Variants in KIF13A observed in about 807,000 individuals in gnomAD.
KIF13A encodes kinesin-like protein KIF13A.
A neutral mutation model predicts 212.2 loss-of-function variants in KIF13A; 79 were observed. The ratio of observed to expected loss-of-function variants is 0.37; its 90% confidence interval spans 0.31 to 0.45. The LOEUF is 0.45. KIF13A is among the 20% of genes least tolerant of loss of function. KIF13A has a pLI of 1.00. For synonymous variants in KIF13A, 789 were observed against 808.6 expected, an observed-to-expected ratio of 0.98 and a Z score of 0.41; for missense variants, 1,901 against 2,209.0, an observed-to-expected ratio of 0.86 and a Z score of 2.79.
At chr6:17,820,115 A>G (rs137905755) in intron 16 of KIF13A, among the ~76,000 whole-genome samples, 1 of 152,264 alleles carries the variant, frequency 6.6e-6, no homozygotes, top group African/African-American at 2.4e-5. Flanking sequence ...TCTCACCCCA[A>G]GGTTCCATGC....
chr6:17,833,758 C>T (rs541745841), intron 12 of KIF13A, among the ~76,000 whole-genome samples: 16 of 148,050 alleles, frequency 1.1e-4, no homozygotes, highest in African/African-American at 7.4e-5. Context: ...CGGGAGGCTA[C>T]GGCATGCGAA....
chr6:17,975,257 G>A (rs149461369), intron 2 of KIF13A, among the ~76,000 whole-genome samples: 209 of 152,328 alleles, frequency 1.4e-3, no homozygotes, highest in Admixed American at 3.2e-3. Context: ...GAAGGCTCAG[G>A]CAGGAGAATT....
At chr6:17,795,532 T>C (rs1581949817) in intron 23 of KIF13A, among the ~76,000 whole-genome samples, 1 of 150,858 alleles carries the variant, frequency 6.6e-6, no homozygotes, top group Non-Finnish European at 1.5e-5. Context: ...GAGGTGGAGG[T>C]TGCAGTGAGC....
rs9396816 is a variant in KIF13A at position 17,919,359 on chromosome 6, A to G, written c.147-21179T>C. ...TACTTAATGCTGCTAAAATAAGACC[A>G]TTGAGAGAATTTCAAAAGTTATATT... On this transcript the variant is annotated intron_variant, in intron 2 of 38. Transcript: ENST00000259711. The surrounding 1 kb of genome is among the most constrained non-coding windows in gnomAD (Gnocchi z 4.1). 0.8 allele frequency among the ~76,000 whole-genome samples: 121,839 copies of G among 152,204 alleles called. 49,232 individuals are homozygous for G. Among genetic ancestry groups the G allele is most frequent in the African/African-American group, 0.9 (37,239 of 41,536 alleles).
At chr6:17,969,358 T>G (rs11962180) in intron 2 of KIF13A, among the ~76,000 whole-genome samples, 5,136 of 152,322 alleles carry the variant, frequency 0.034, 297 homozygotes, top group African/African-American at 0.12. Context: ...CTTTGCCATC[T>G]TAGACATAGT....
intron 2 of KIF13A, among the ~76,000 whole-genome samples, chr6:17,956,735 A>C (rs1431048314): frequency 6.6e-6 from 1 of 151,848 alleles, no homozygotes; most frequent in Non-Finnish European, 1.5e-5. Context: ...CTGTGGGTCA[A>C]AAAAAAATCC....
chr6:17,873,389 TA>T lies in KIF13A; in HGVS notation c.207del (p.Thr70GlnfsTer43). On this transcript the variant is annotated frameshift_variant, in exon 4 of 39. Coordinates refer to ENST00000259711, the MANE Select transcript of KIF13A (RefSeq NM_022113.6). LOFTEE classifies it high-confidence loss of function. ...YCFWSMDESNTTKYAGQEVVF... is the reference protein window; with the variant it reads ...YCFWSMDESNXTKYAGQEVVF... ...GGAGAAAACTTACCAGCGTATTTTGTAGTGTTAGATTCATCCATGGACCAAA... is the reference window on the plus strand; with the variant it reads ...GGAGAAAACTTACCAGCGTATTTTGTGTGTTAGATTCATCCATGGACCAAA... 1 of 1,596,356 alleles carries T rather than the reference TA, an allele frequency of 6.3e-7. No individual in the cohort carries two copies. The highest frequency in any genetic ancestry group is 1.7e-5 in the Admixed American group (1 of 57,654).
intron 2 of KIF13A, among the ~76,000 whole-genome samples, chr6:17,930,439 GAC>G (rs1204875755): frequency 6.6e-6 from 1 of 152,124 alleles, no homozygotes; most frequent in African/African-American, 2.4e-5. Context: ...TTTCCACAGA[GAC>G]AGTAATTATT....
intron 9 of KIF13A, among the ~76,000 whole-genome samples, chr6:17,840,865 A>C (rs1396552462): frequency 6.6e-6 from 1 of 152,204 alleles, no homozygotes; most frequent in Non-Finnish European, 1.5e-5. Context: ...AAAGCTCTAA[A>C]AACATGGCAT....
chr6:17,885,894 G>A (rs1002984225), intron 3 of KIF13A, among the ~76,000 whole-genome samples: 1 of 152,094 alleles, frequency 6.6e-6, no homozygotes, highest in Non-Finnish European at 1.5e-5. Context: ...AGTGGGGGTC[G>A]GAGTGTCACA....
At position 17,828,011 on chromosome 6, in the gene KIF13A, T is replaced by C. The variant is rs148060542; in HGVS notation, c.1532+229A>G. ...CTCTCATAATTGGACTCCTGATCTT[T>C]ACAGGGTTCTAAAGCTCAGAGTTAT... On this transcript the variant is annotated intron_variant, in intron 14 of 38. Coordinates refer to ENST00000259711, the MANE Select transcript of KIF13A (RefSeq NM_022113.6). This position sits in a 1 kb window ranked among gnomAD's most constrained non-coding sequence, Gnocchi z 4.3. 1.4e-3 allele frequency among the ~76,000 whole-genome samples: 218 copies of C among 152,352 alleles called. No individual in the cohort carries two copies. The highest frequency in any genetic ancestry group is 4.6e-3 in the African/African-American group (190 of 41,584).
At position 17,883,659 on chromosome 6, in the gene KIF13A, G is replaced by A. The variant is rs138258653; in HGVS notation, c.160-10222C>T. 1.2e-4 allele frequency among the ~76,000 whole-genome samples: 19 copies of A among 152,278 alleles called. No homozygotes were observed. The highest frequency in any genetic ancestry group is 4.1e-4 in the South Asian group (2 of 4,828). On this transcript the variant is annotated intron_variant, in intron 3 of 38. Transcript: ENST00000259711. This position sits in a 1 kb window ranked among gnomAD's most constrained non-coding sequence, Gnocchi z 4.8. ...ATGACCCTATTCATCTGTATATTAC[G>A]TCAATGGTCAGCCAACTTCTCAGCT...
chr6:17,796,591 T>A lies in KIF13A; in HGVS notation c.2942+78A>T, dbSNP rs181589376. ...TTTTATTTTTTTATAAGCAGCCTCC[T>A]AGGCCAGAGTAGGTTCAGAGACTCT... On this transcript the variant is annotated intron_variant, in intron 23 of 38. Transcript: ENST00000259711. 82 of 862,760 alleles carry A rather than the reference T, an allele frequency of 9.5e-5. No individual in the cohort carries two copies. The African/African-American group carries it at 1.2e-3, about 13-fold the overall frequency. The allele number at this position is 862,760 out of a possible 1,614,324, so 53.4% of individuals were successfully genotyped here.
rs1778780495 is a variant in KIF13A at position 17,961,104 on chromosome 6, G to T, written c.146+25950C>A. ...AATGTTAAGCCAAGGGTCAGAGAAA[G>T]ATTCTTAAAGGAAGACGTATGCTGA... is the stretch of plus-strand genomic sequence containing the variant. On this transcript the variant is annotated intron_variant, in intron 2 of 38. Coordinates refer to ENST00000259711, the MANE Select transcript of KIF13A (RefSeq NM_022113.6). This position sits in a 1 kb window ranked among gnomAD's most constrained non-coding sequence, Gnocchi z 4.1. 1.3e-5 allele frequency among the ~76,000 whole-genome samples: 2 copies of T among 152,210 alleles called. No individual in the cohort carries two copies. The highest frequency in any genetic ancestry group is 6.5e-5 in the Admixed American group (1 of 15,278).
chr6:17,813,554 A>G (rs1312614928), intron 17 of KIF13A, among the ~76,000 whole-genome samples: 2 of 152,206 alleles, frequency 1.3e-5, no homozygotes, highest in Non-Finnish European at 2.9e-5. Flanking sequence ...ACAGATGAGC[A>G]GGTAGCTCCT....
chr6:17,870,535 G>C (rs528366601), intron 4 of KIF13A, among the ~76,000 whole-genome samples: 2 of 152,016 alleles, frequency 1.3e-5, no homozygotes, highest in East Asian at 3.9e-4. Context: ...GGCAATAATG[G>C]AGGATGTGAT....
chr6:17,798,523 G>A (rs1762227900), intron 22 of KIF13A, among the ~76,000 whole-genome samples: 1 of 152,186 alleles, frequency 6.6e-6, no homozygotes, highest in Non-Finnish European at 1.5e-5. Context: ...AAATTTTATA[G>A]GTGGTGATAT....
intron 31 of KIF13A, 22 bp downstream of exon 31, chr6:17,780,708 C>T: frequency 6.2e-7 from 1 of 1,606,310 alleles, no homozygotes; most frequent in East Asian, 2.2e-5. Context: ...GCCAGAATGG[C>T]ACAATCAGGC....
Position 17,800,071 on chromosome 6 carries a change from C to T in KIF13A, c.2497G>A (p.Ala833Thr), listed in dbSNP as rs1156776569. Reference sequence around the variant, plus strand: ...TCCTCCACCACACGCTCTGGAACAGCTCCTGTAACACGCATCACTTCCACG... The same window carrying T: ...TCCTCCACCACACGCTCTGGAACAGTTCCTGTAACACGCATCACTTCCACG... The part of the protein sequence containing the change: ...LHVEVMRVTG[A>T]VPERVVEDDS... The change falls in exon 21 of 39, where the codon GCT becomes ACT. Residue 833 changes from alanine to threonine, a missense_variant. Transcript: ENST00000259711. The T allele has an allele frequency of 1.2e-6, 2 of 1,613,860 alleles. No individual in the cohort carries two copies. The highest frequency in any genetic ancestry group is 1.7e-5 in the Admixed American group (1 of 59,984).
Sources: allele counts gnomAD v4.1 joint callset (sites outside exome capture counted in the v4.1 genomes callset), GRCh38; gene constraint gnomAD v4.1.1; non-coding constraint Gnocchi (gnomAD v3.1); transcripts MANE v1.5; gene names NCBI Gene and HGNC (gene_info 2026-07-23, HGNC 2026-07-21).